The following DGKB variants were observed in gnomAD, a reference collection of about 807,000 sequenced individuals.
DGKB encodes diacylglycerol kinase beta, also known as 90 kDa diacylglycerol kinase.
In DGKB, 67 loss-of-function variants were observed where a neutral mutation model predicts 114.3. The observed-to-expected ratio is 0.59, with a 90% CI of 0.48 to 0.72. The LOEUF is 0.72. Ranked by LOEUF, DGKB falls within the 30% of genes least tolerant of loss-of-function variation. The pLI is 0.00. For synonymous variants in DGKB, 398 were observed against 323.1 expected, an observed-to-expected ratio of 1.23 and a Z score of -2.49; for missense variants, 907 against 975.2, an observed-to-expected ratio of 0.93 and a Z score of 0.93.
intron 13 of DGKB, among the ~76,000 whole-genome samples, chr7:14,649,793 G>A (rs1814017704): frequency 7.1e-6 from 1 of 141,406 alleles, no homozygotes; most frequent in Non-Finnish European, 1.5e-5. Context: ...ATAAAAGGAT[G>A]GAGGAAGATC....
chr7:14,507,655 C>T (rs546552402), intron 20 of DGKB, among the ~76,000 whole-genome samples: 1 of 152,156 alleles, frequency 6.6e-6, no homozygotes, highest in Non-Finnish European at 1.5e-5. Flanking sequence ...ATATGTTGAA[C>T]CAATGTGATA....
chr7:14,572,544 CA>C (rs748259523), intron 20 of DGKB, among the ~76,000 whole-genome samples: 121 of 151,436 alleles, frequency 8.0e-4, no homozygotes, highest in Non-Finnish European at 1.3e-3. Context: ...AAATTATAAA[CA>C]AAAGAACCAA....
At chr7:14,166,142 C>G (rs148868099) in intron 25 of DGKB, among the ~76,000 whole-genome samples, 1 of 152,158 alleles carries the variant, frequency 6.6e-6, no homozygotes, top group Non-Finnish European at 1.5e-5. Flanking sequence ...AAAATGTGTT[C>G]GCCTACAATG....
chr7:14,553,341 T>C (rs905556824), intron 20 of DGKB, among the ~76,000 whole-genome samples: 1 of 152,198 alleles, frequency 6.6e-6, no homozygotes, highest in African/African-American at 2.4e-5. Context: ...GAGAACTGGT[T>C]TTCCCTCTTG....
At chr7:14,527,121 A>G (rs1325654153) in intron 20 of DGKB, among the ~76,000 whole-genome samples, 1 of 152,124 alleles carries the variant, frequency 6.6e-6, no homozygotes, top group Non-Finnish European at 1.5e-5. Context: ...GCAACTGCAT[A>G]GTTAGTCCAG....
At chr7:14,244,061 G>A (rs907770423) in intron 23 of DGKB, among the ~76,000 whole-genome samples, 11 of 152,132 alleles carry the variant, frequency 7.2e-5, no homozygotes, top group African/African-American at 2.2e-4. Context: ...GAGGGAGAGA[G>A]AGAGAGATCA....
chr7:14,772,261 A>T (rs1257346046), intron 2 of DGKB, among the ~76,000 whole-genome samples: 1 of 152,192 alleles, frequency 6.6e-6, no homozygotes, highest in Admixed American at 6.6e-5. Context: ...AACATTTTAC[A>T]GAGTTTGACT....
intron 2 of DGKB, among the ~76,000 whole-genome samples, chr7:14,769,105 GAAAGAAAGAAAGAAAGAA>G (rs1330166519): frequency 1.8e-5 from 2 of 110,190 alleles, no homozygotes; most frequent in African/African-American, 3.8e-5. Context: ...AAGAAAGAAA[GAAAGAAAGAAAGAAAGAA>G]AGAGAGAGAG....
rs1001497678 is a variant in DGKB, at chr7:14,450,750, G to A, written c.1835+27411C>T. Among the ~76,000 whole-genome samples, 5 of 152,066 alleles carry A rather than the reference G, an allele frequency of 3.3e-5. No homozygotes were observed. The East Asian group carries it at 5.8e-4, about 18-fold the overall frequency. On this transcript the variant is annotated intron_variant, in intron 21 of 25. Transcript: ENST00000402815. ...AGAAAGTAGCAAAGAGCAGAAGGAG[G>A]TGTCCTATCAAGTGGATCTGAGGAA...
intron 2 of DGKB, among the ~76,000 whole-genome samples, chr7:14,795,420 G>A (rs1390144704): frequency 6.6e-6 from 1 of 152,136 alleles, no homozygotes; most frequent in Non-Finnish European, 1.5e-5. Flanking sequence ...CAAAGGCTTA[G>A]GGATATATTG....
At chr7:14,910,490 C>G (rs1363444960) in intron 1 of DGKB, among the ~76,000 whole-genome samples, 2 of 151,706 alleles carry the variant, frequency 1.3e-5, no homozygotes, top group Non-Finnish European at 2.9e-5. Context: ...TTTTGGCTAC[C>G]AAAATTGTTC....
chr7:14,306,782 G>C (rs1009590184), intron 23 of DGKB, among the ~76,000 whole-genome samples: 6 of 152,100 alleles, frequency 3.9e-5, no homozygotes, highest in Non-Finnish European at 8.8e-5. Flanking sequence ...TATTAGGAAA[G>C]AAAGAAACAA....
chr7:14,321,040 C>T (rs1354280037), intron 23 of DGKB, among the ~76,000 whole-genome samples: 1 of 152,102 alleles, frequency 6.6e-6, no homozygotes, highest in African/African-American at 2.4e-5. Flanking sequence ...CCAGTAATCA[C>T]AGCACTTTGG....
chr7:14,237,136 A>G (rs1792920774), intron 23 of DGKB, among the ~76,000 whole-genome samples: 1 of 152,016 alleles, frequency 6.6e-6, no homozygotes, highest in Non-Finnish European at 1.5e-5. Context: ...TGCCTAGCAC[A>G]TTTCTACATG....
At chr7:14,744,760 G>T (rs1302933638) in intron 4 of DGKB, among the ~76,000 whole-genome samples, 2 of 152,158 alleles carry the variant, frequency 1.3e-5, no homozygotes, top group Non-Finnish European at 2.9e-5. Context: ...CAAAAATGAG[G>T]ACTGGGGAGA....
chr7:14,447,807 T>C (rs1830930763), intron 21 of DGKB, among the ~76,000 whole-genome samples: 1 of 152,104 alleles, frequency 6.6e-6, no homozygotes, highest in Non-Finnish European at 1.5e-5. Flanking sequence ...GCTCCTTTTG[T>C]GTATCAGAAG....
chr7:14,796,020 T>C (rs1313948970), intron 2 of DGKB, among the ~76,000 whole-genome samples: 1 of 152,122 alleles, frequency 6.6e-6, no homozygotes, highest in Admixed American at 6.6e-5. Context: ...CTAATAGGAA[T>C]TAATTTTGCT....
intron 16 of DGKB, among the ~76,000 whole-genome samples, chr7:14,608,907 A>G (rs1378456105): frequency 6.6e-6 from 1 of 152,068 alleles, no homozygotes; most frequent in Non-Finnish European, 1.5e-5. Flanking sequence ...GCACTGCTGA[A>G]AGAAATCAGA....
chr7:14,521,543 T>C (rs146044813), intron 20 of DGKB, among the ~76,000 whole-genome samples: 34 of 152,318 alleles, frequency 2.2e-4, no homozygotes, highest in African/African-American at 7.9e-4. Flanking sequence ...TGAGCCACTC[T>C]AGTGAATTTT....
Sources: allele counts gnomAD v4.1 joint callset (sites outside exome capture counted in the v4.1 genomes callset), GRCh38; gene constraint gnomAD v4.1.1; transcripts MANE v1.5; gene names NCBI Gene and HGNC (gene_info 2026-07-23, HGNC 2026-07-21).